Variants in TBC1D7 observed in about 807,000 individuals in gnomAD.
The protein encoded by TBC1D7 is TBC1 domain family member 7, also known as TBC domain family 7.
Under a neutral mutation model 35.3 loss-of-function variants are expected in TBC1D7, and 33 were observed. The ratio of observed to expected loss-of-function variants is 0.93; its 90% CI spans 0.71 to 1.25. The LOEUF is 1.25. Ranked by LOEUF, TBC1D7 falls within the 50% of genes most tolerant of loss-of-function variation. The pLI, the probability that TBC1D7 is intolerant of heterozygous loss-of-function variation, is 0.00. For missense variants in TBC1D7, 362 were observed against 365.3 expected (o/e 0.99, Z 0.07); for synonymous variants, 135 against 129.5 (o/e 1.04, Z -0.29).
intron 4 of TBC1D7, chr6:13,319,643 G>C (rs1044316838): frequency 2.6e-5 from 4 of 152,144 alleles, no homozygotes; most frequent in African/African-American, 9.7e-5. Context: ...CTCCGGTTTT[G>C]ATCATTACAT....
At position 13,304,955 on chromosome 6, in the gene TBC1D7, A is replaced by G. The variant is rs891598396; in HGVS notation, c.*146T>C. ...CCAACACAGCAACACCAGGCATTTC[A>G]ATTAAATAATTTTATTGGGGGAAAA... On this transcript the variant is annotated 3_prime_UTR_variant, in exon 8 of 8. Coordinates refer to ENST00000379300, the MANE Select transcript of TBC1D7 (RefSeq NM_016495.6). 1.5e-5 allele frequency: 9 copies of G among 607,858 alleles called. No homozygotes were observed. Among genetic ancestry groups the G allele is most frequent in the Admixed American group, 3.4e-5 (1 of 29,288 alleles). 37.7% of individuals were successfully genotyped at this position (607,858 alleles called of 1,614,324 possible).
chr6:13,311,407 A>C (rs1314130133), intron 5 of TBC1D7, among the ~76,000 whole-genome samples: 1 of 152,202 alleles, frequency 6.6e-6, no homozygotes, highest in Non-Finnish European at 1.5e-5. Flanking sequence ...ACATATCACC[A>C]CTCAGGGGCA....
Position 13,304,968 on chromosome 6 carries a change from T to C in TBC1D7, c.*133A>G. The C allele has an allele frequency of 1.6e-6, 1 of 643,458 alleles. No individual in the cohort carries two copies. Among genetic ancestry groups the C allele is most frequent in the East Asian group, 3.1e-5 (1 of 32,540 alleles). The allele number at this position is 643,458 out of a possible 1,614,324, so 39.9% of individuals were successfully genotyped here. ...ACCAGGCATTTCAATTAAATAATTT[T>C]ATTGGGGGAAAAAAACCACTTTGAG... On this transcript the variant is annotated 3_prime_UTR_variant, in exon 8 of 8. Coordinates refer to ENST00000379300, the MANE Select transcript of TBC1D7 (RefSeq NM_016495.6).
intron 3 of TBC1D7, among the ~76,000 whole-genome samples, chr6:13,324,315 G>A (rs1021343312): frequency 1.3e-5 from 2 of 152,112 alleles, no homozygotes; most frequent in African/African-American, 4.8e-5. Context: ...TTTTAGTAGA[G>A]AGGGGGTTTC....
intron 2 of TBC1D7, among the ~76,000 whole-genome samples, chr6:13,326,039 G>C (rs1001353499): frequency 6.6e-6 from 1 of 152,172 alleles, no homozygotes; most frequent in Non-Finnish European, 1.5e-5. Flanking sequence ...AACTTTAAAA[G>C]TACTCTATGC....
intron 6 of TBC1D7, 192 bp downstream of exon 6, chr6:13,307,408 G>A: frequency 1.7e-6 from 1 of 582,774 alleles, no homozygotes. Context: ...CGCACTGAGG[G>A]CCCTTAATTT....
intron 5 of TBC1D7, among the ~76,000 whole-genome samples, chr6:13,310,230 GTAACACTGTGTA>G (rs1783097963): frequency 6.6e-6 from 1 of 152,200 alleles, no homozygotes; most frequent in South Asian, 2.1e-4. Flanking sequence ...CTATTTACCT[GTAACACTGTGTA>G]TAACAAACAG....
intron 4 of TBC1D7, 142 bp from the exon 5 acceptor site, chr6:13,316,850 C>T (rs545250195): frequency 1.6e-5 from 16 of 1,024,118 alleles, no homozygotes; most frequent in Non-Finnish European, 2.3e-5. Flanking sequence ...AGCACAGAGT[C>T]CCTCCCTGAA....
chr6:13,316,817 A>G, intron 4 of TBC1D7, 109 bp from the exon 5 acceptor site: 1 of 1,327,096 alleles, frequency 7.5e-7, no homozygotes, highest in Non-Finnish European at 1.0e-6. Context: ...AGGCTACATT[A>G]ATAAATCAAA....
intron 7 of TBC1D7, chr6:13,305,665 G>C (rs1454313433): frequency 5.7e-6 from 1 of 174,892 alleles, no homozygotes; most frequent in Non-Finnish European, 1.2e-5. Flanking sequence ...AAAATGAATA[G>C]ATTTTGGATT....
chr6:13,325,001 A>C lies in TBC1D7; in HGVS notation c.193+93T>G, dbSNP rs974744398. ...GATCCAATATTCAGTAAAAGGCCTAAACAAATTCTCCTTTTTCTGACTGAT... is the reference window on the plus strand; with the variant it reads ...GATCCAATATTCAGTAAAAGGCCTACACAAATTCTCCTTTTTCTGACTGAT... On this transcript the variant is annotated intron_variant, in intron 3 of 7. Coordinates refer to ENST00000379300, the MANE Select transcript of TBC1D7 (RefSeq NM_016495.6). The C allele has an allele frequency of 3.1e-6, 3 of 964,694 alleles. No homozygotes were observed. The African/African-American group carries it at 5.0e-5, about 16-fold the overall frequency. The allele number at this position is 964,694 out of a possible 1,614,324, so 59.8% of individuals were successfully genotyped here.
chr6:13,316,643 G>C lies in TBC1D7; in HGVS notation c.447C>G (p.Val149=). The C allele has an allele frequency of 6.2e-7, 1 of 1,613,874 alleles. No individual in the cohort carries two copies. The highest frequency in any genetic ancestry group is 8.5e-7 in the Non-Finnish European group (1 of 1,179,988). ...AGCGTCGGGTGATCCAGTAACAGTC[G>C]ACACTATCTTCCACCATTTCCTCCA... The part of the protein sequence containing the change: ...KAMEEMVEDS[V]DCYWITRRFV... The change falls in exon 5 of 8, where the codon GTC becomes GTG. Residue 149 remains valine (V), a synonymous_variant. Transcript: ENST00000379300.
rs553549119 is a variant in TBC1D7, at chr6:13,306,096, A to G, written c.795+302T>C. Reference sequence around the variant, plus strand: ...ACTTTAGGCCAAACTTTTTCAGGGAAAAGTGTTTCTTATAATGTAAAAATA... The same window carrying G: ...ACTTTAGGCCAAACTTTTTCAGGGAGAAGTGTTTCTTATAATGTAAAAATA... On this transcript the variant is annotated intron_variant, in intron 7 of 7. Transcript: ENST00000379300. The G allele has an allele frequency of 6.8e-5, 15 of 219,066 alleles. No individual in the cohort carries two copies. The South Asian group carries it at 9.0e-4, about 13-fold the overall frequency. The allele number at this position is 219,066 out of a possible 1,614,324, so 13.6% of individuals were successfully genotyped here.
intron 4 of TBC1D7, among the ~76,000 whole-genome samples, chr6:13,317,875 G>A (rs984919673): frequency 3.9e-5 from 6 of 152,188 alleles, no homozygotes; most frequent in Admixed American, 6.5e-5. Context: ...TAGGTGCTAC[G>A]GTTCAAATAT....
At chr6:13,309,816 T>A (rs1783067200) in intron 5 of TBC1D7, among the ~76,000 whole-genome samples, 1 of 152,190 alleles carries the variant, frequency 6.6e-6, no homozygotes, top group Admixed American at 6.5e-5. Context: ...TAATGAATAA[T>A]CTTAAAAGGT....
Position 13,328,512 on chromosome 6 carries a change from G to GCTGCCGCTGCCT in TBC1D7, c.-226_-225insAGGCAGCGGCAG, listed in dbSNP as rs1784560672. 6.3e-6 allele frequency: 1 copy of GCTGCCGCTGCCT among 157,960 alleles called. No homozygotes were observed. Among genetic ancestry groups the GCTGCCGCTGCCT allele is most frequent in the Non-Finnish European group, 1.4e-5 (1 of 71,168 alleles). 9.8% of individuals were successfully genotyped at this position (157,960 alleles called of 1,614,324 possible). Reference sequence around the variant, plus strand: ...GGAGACAAAACTCAGCGCCGCTGCCGCTGCCGCTGCCGCCGCCGCCGGACG... The same window carrying GCTGCCGCTGCCT: ...GGAGACAAAACTCAGCGCCGCTGCCGCTGCCGCTGCCTCTGCCGCTGCCGCCGCCGCCGGACG... On this transcript the variant is annotated 5_prime_UTR_variant, in exon 1 of 8. Transcript: ENST00000379300.
chr6:13,317,855 G>A (rs1262884889), intron 4 of TBC1D7, among the ~76,000 whole-genome samples: 3 of 152,240 alleles, frequency 2.0e-5, no homozygotes, highest in South Asian at 2.1e-4. Context: ...GAGGCAGAGT[G>A]GGCGCTAAGT....
At chr6:13,323,854 A>T (rs1784222328) in intron 3 of TBC1D7, 1 of 152,252 alleles carries the variant, frequency 6.6e-6, no homozygotes, top group Non-Finnish European at 1.5e-5. Context: ...CCACAAACGT[A>T]AGCTCAAATC....
At position 13,320,449 on chromosome 6, in the gene TBC1D7, T is replaced by A. The variant is rs982749605; in HGVS notation, c.381+459A>T. ...ATCCTGTCTGCATCTTACTCTCAAATGATTTAGGAAAAAAAAAATGTGTTT... is the reference window on the plus strand; with the variant it reads ...ATCCTGTCTGCATCTTACTCTCAAAAGATTTAGGAAAAAAAAAATGTGTTT... On this transcript the variant is annotated intron_variant, in intron 4 of 7. Coordinates refer to ENST00000379300, the MANE Select transcript of TBC1D7 (RefSeq NM_016495.6). The A allele has an allele frequency of 1.9e-5, 7 of 377,010 alleles. No individual in the cohort carries two copies. In the East Asian group the frequency reaches 3.8e-4, roughly 20 times the overall value. The allele number at this position is 377,010 out of a possible 1,614,324, so 23.4% of individuals were successfully genotyped here. A position where few individuals can be genotyped will look rare whatever the true frequency, so the allele number is the denominator to read the frequency against.
Sources: gnomAD v4.1 joint callset for allele counts (sites outside exome capture counted in the v4.1 genomes callset) on GRCh38, gnomAD v4.1.1 for gene constraint, MANE v1.5 for transcripts, NCBI Gene and HGNC (gene_info 2026-07-23, HGNC 2026-07-21) for gene names.